TBXAS1: variants seen among roughly 807,000 people sequenced by gnomAD.
TBXAS1 encodes thromboxane A synthase 1.
In TBXAS1, 48 loss-of-function variants were observed where a neutral mutation model predicts 60.7. The observed-to-expected ratio is 0.79, with a 90% CI of 0.63 to 1.01. TBXAS1 has a LOEUF of 1.01. Ranked by LOEUF, TBXAS1 falls within the 50% of genes least tolerant of loss-of-function variation. The probability of loss-of-function intolerance (pLI) is 0.00; values close to 1 mark genes in which losing one functional copy is unlikely to be tolerated. For synonymous variants in TBXAS1, 287 were observed against 269.7 expected (o/e 1.06, Z -0.63); for missense variants, 685 against 686.3 (o/e 1.00, Z 0.02).
chr7:140,017,613 G>A (rs1815178738), intron 11 of TBXAS1, 58 bp from the exon 12 acceptor site: 18 of 1,604,348 alleles, frequency 1.1e-5, no homozygotes, highest in South Asian at 2.2e-5. Context: ...TGGAGCACAG[G>A]GCTGCAGAGG....
At chr7:140,007,728 C>T (rs73734172) in intron 10 of TBXAS1, among the ~76,000 whole-genome samples, 14,512 of 152,202 alleles carry the variant, frequency 0.095, 1,239 homozygotes, top group African/African-American at 0.24. Context: ...CTCACTGCCC[C>T]TCAAGACGTC....
chr7:139,913,993 G>C (rs1805752879), intron 4 of TBXAS1: 1 of 151,890 alleles, frequency 6.6e-6, no homozygotes, highest in African/African-American at 2.4e-5. Flanking sequence ...TAACAGTGGG[G>C]CTCATATTGA....
At chr7:139,899,928 G>A (rs2116983996) in intron 3 of TBXAS1, among the ~76,000 whole-genome samples, 1 of 152,324 alleles carries the variant, frequency 6.6e-6, no homozygotes, top group Middle Eastern at 3.4e-3. Context: ...CCTGTCTTGG[G>A]CAAGTGACTT....
rs1271883073 is a variant in TBXAS1, at chr7:139,999,227, A to G, written c.1135-7864A>G. ...ACCTCAGCTCCCTCCCAACCTTGCC[A>G]TAAGAACTCAGGGCTGGCCGGGCGC... On this transcript the variant is annotated intron_variant, in intron 9 of 12. Transcript: ENST00000448866. The surrounding 1 kb of genome is among the most constrained non-coding windows in gnomAD (Gnocchi z 4.3). Among the ~76,000 whole-genome samples the G allele has an allele frequency of 2.6e-5, 4 of 152,232 alleles. No homozygotes were observed. Among genetic ancestry groups the G allele is most frequent in the East Asian group, 1.9e-4 (1 of 5,202 alleles).
intron 6 of TBXAS1, among the ~76,000 whole-genome samples, chr7:139,954,833 A>T (rs1316412523): frequency 6.6e-6 from 1 of 152,172 alleles, no homozygotes; most frequent in East Asian, 1.9e-4. Context: ...TTCTGTAATA[A>T]TATACAGATG....
chr7:140,008,446 TC>T, intron 10 of TBXAS1, among the ~76,000 whole-genome samples: 1 of 124,088 alleles, frequency 8.1e-6, no homozygotes, highest in South Asian at 2.6e-4. Context: ...TTTCTTTTAT[TC>T]TTTTTTTTTT....
At chr7:139,918,576 C>T (rs548947321) in intron 4 of TBXAS1, among the ~76,000 whole-genome samples, 4 of 152,310 alleles carry the variant, frequency 2.6e-5, no homozygotes, top group South Asian at 4.1e-4. Flanking sequence ...TTCCCTTCCC[C>T]GCTCAGGAGG....
At chr7:139,961,408 C>T (rs1190697370) in intron 8 of TBXAS1, among the ~76,000 whole-genome samples, 4 of 152,206 alleles carry the variant, frequency 2.6e-5, no homozygotes, top group African/African-American at 9.7e-5. Flanking sequence ...CAACCACCAA[C>T]CAACAGTACA....
At chr7:139,984,747 GAAAA>G (rs1419520605) in intron 9 of TBXAS1, among the ~76,000 whole-genome samples, 1 of 80,556 alleles carries the variant, frequency 1.2e-5, no homozygotes, top group Non-Finnish European at 2.5e-5. Context: ...AGAAGAAAAA[GAAAA>G]GAAAGAAAGA....
intron 4 of TBXAS1, among the ~76,000 whole-genome samples, chr7:139,803,858 T>A (rs770520586): frequency 1.3e-5 from 2 of 152,302 alleles, no homozygotes; most frequent in Non-Finnish European, 2.9e-5. Flanking sequence ...CCACTTAGAT[T>A]TCAGAGGATG....
At chr7:140,011,512 G>C (rs181731722) in intron 10 of TBXAS1, among the ~76,000 whole-genome samples, 1 of 152,252 alleles carries the variant, frequency 6.6e-6, no homozygotes, top group East Asian at 1.9e-4. Context: ...TGGGTAAAAT[G>C]AACAATCTGA....
chr7:139,831,455 G>C (rs1269031365), intron 1 of TBXAS1, among the ~76,000 whole-genome samples: 1 of 152,246 alleles, frequency 6.6e-6, no homozygotes, highest in Non-Finnish European at 1.5e-5. Context: ...GGAAGAGACA[G>C]GGGTGCTTTT....
chr7:139,824,344 A>G (rs1798381520), upstream of TBXAS1, among the ~76,000 whole-genome samples: 1 of 152,216 alleles, frequency 6.6e-6, no homozygotes, highest in South Asian at 2.1e-4. Context: ...ACAGGGTAGC[A>G]CTTACCAGCA....
rs148373858 is a variant in TBXAS1, at chr7:140,007,888, C to T, written c.1226+706C>T. 2.5e-3 allele frequency among the ~76,000 whole-genome samples: 381 copies of T among 152,318 alleles called. 1 individual carries two copies. The highest frequency in any genetic ancestry group is 3.8e-3 in the Non-Finnish European group (261 of 68,032). On this transcript the variant is annotated intron_variant, in intron 10 of 12. Transcript: ENST00000448866. ...CACACCAACCAGCCGGTCACACCAA[C>T]CTGTGGGTATCTTGAGAGCAAAACC...
chr7:139,953,394 C>T lies in TBXAS1; in HGVS notation c.477C>T (p.Cys159=), dbSNP rs371594766. The T allele has an allele frequency of 1.3e-5, 21 of 1,613,990 alleles. No individual in the cohort carries two copies. The highest frequency in any genetic ancestry group is 1.7e-5 in the Admixed American group (1 of 60,006). The stretch of plus-strand genomic sequence containing the variant: ...TGGTTCCCCTCATCAGCCAAGCCTG[C>T]GACCTTCTCCTGGCTCATTTAAAAC... ...NEMVPLISQA[C]DLLLAHLKRY... The change falls in exon 6 of 13, where the codon TGC becomes TGT. Residue 159 remains cysteine (C), a synonymous_variant. Coordinates refer to ENST00000448866, the MANE Select transcript of TBXAS1 (RefSeq NM_001061.7).
At chr7:139,792,864 A>G (rs73475976) in intron 4 of TBXAS1, among the ~76,000 whole-genome samples, 2,100 of 152,302 alleles carry the variant, frequency 0.014, 41 homozygotes, top group African/African-American at 0.048. Context: ...TTTGAGGCCC[A>G]GGTAAGAGAA....
chr7:139,792,699 T>C (rs1392288860), intron 4 of TBXAS1, among the ~76,000 whole-genome samples: 1 of 152,222 alleles, frequency 6.6e-6, no homozygotes, highest in Non-Finnish European at 1.5e-5. Context: ...CATAGGAGAC[T>C]GAGTTTGCTT....
intron 10 of TBXAS1, among the ~76,000 whole-genome samples, chr7:140,007,950 C>A (rs530632219): frequency 1.3e-5 from 2 of 152,324 alleles, no homozygotes; most frequent in African/African-American, 4.8e-5. Context: ...CCAAACAAGG[C>A]ACTCCATAGA....
At chr7:139,905,829 G>A (rs1022812247) in intron 3 of TBXAS1, among the ~76,000 whole-genome samples, 2 of 151,972 alleles carry the variant, frequency 1.3e-5, no homozygotes, top group Non-Finnish European at 2.9e-5. Context: ...TCTTTGAAAG[G>A]GCAAAAATTT....
Sources: allele counts gnomAD v4.1 joint callset (sites outside exome capture counted in the v4.1 genomes callset), GRCh38; gene constraint gnomAD v4.1.1; non-coding constraint Gnocchi (gnomAD v3.1); transcripts MANE v1.5; gene names NCBI Gene and HGNC (gene_info 2026-07-23, HGNC 2026-07-21).